MAML2: variants seen among roughly 807,000 people sequenced by gnomAD.
MAML2 encodes the protein mastermind like transcriptional coactivator 2.
A neutral mutation model predicts 96.1 loss-of-function variants in MAML2; 22 were observed. The ratio of observed to expected loss-of-function variants is 0.23; its 90% CI spans 0.16 to 0.33. MAML2 has a LOEUF of 0.33. Among genes scored for constraint, MAML2 ranks in the 10% least tolerant of loss-of-function variants. MAML2 has a pLI of 1.00. For synonymous variants in MAML2, 561 were observed against 521.3 expected, an observed-to-expected ratio of 1.08 and a Z score of -1.04; for missense variants, 1,367 against 1,392.4, an observed-to-expected ratio of 0.98 and a Z score of 0.29.
chr11:96,118,242 A>G (rs1860276954), intron 1 of MAML2, among the ~76,000 whole-genome samples: 1 of 152,184 alleles, frequency 6.6e-6, no homozygotes, highest in Non-Finnish European at 1.5e-5. Flanking sequence ...CCCAACTGCA[A>G]TGTCCAGCTA....
chr11:96,269,533 G>A (rs895714260), intron 1 of MAML2, among the ~76,000 whole-genome samples: 2 of 143,544 alleles, frequency 1.4e-5, no homozygotes, highest in Non-Finnish European at 3.0e-5. Context: ...ATTTTGGGGG[G>A]AAATGTCTTG....
rs375418213 is a variant in MAML2 at position 96,341,706 on chromosome 11, C to T, written c.190G>A (p.Glu64Lys). 32 of 1,610,754 alleles carry T rather than the reference C, an allele frequency of 2.0e-5. No individual in the cohort carries two copies. Among genetic ancestry groups the T allele is most frequent in the Middle Eastern group, 1.6e-4 (1 of 6,078 alleles). The change falls in exon 1 of 5, where the codon GAG (glutamate) becomes AAG (lysine). Residue 64 changes from glutamate (E) to lysine (K), a missense_variant. Glu to Lys is a moderately conservative substitution (Grantham distance 56). Coordinates refer to ENST00000524717, the MANE Select transcript of MAML2 (RefSeq NM_032427.4). Reference protein sequence around the residue: ...CEGRYERGRAESSDRERESTL... With the variant: ...CEGRYERGRAKSSDRERESTL... Reference sequence around the variant, plus strand: ...CTTTCTCTTTCCCGGTCTGAGCTCTCGGCCCTACCTCGTTCATATCGTCCT... The same window carrying T: ...CTTTCTCTTTCCCGGTCTGAGCTCTTGGCCCTACCTCGTTCATATCGTCCT...
intron 1 of MAML2, among the ~76,000 whole-genome samples, chr11:96,199,523 A>ATT (rs71459792): frequency 3.5e-4 from 51 of 143,816 alleles, no homozygotes; most frequent in African/African-American, 1.0e-3. Flanking sequence ...GTTTCAGATA[A>ATT]TTTTTTTTTT....
intron 2 of MAML2, among the ~76,000 whole-genome samples, chr11:96,033,687 T>C (rs934021099): frequency 6.6e-6 from 1 of 152,184 alleles, no homozygotes; most frequent in Non-Finnish European, 1.5e-5. Flanking sequence ...AGAGAGCACA[T>C]GGAAGAGGAG....
chr11:96,286,214 T>G (rs936498279), intron 1 of MAML2, among the ~76,000 whole-genome samples: 5 of 152,164 alleles, frequency 3.3e-5, no homozygotes, highest in Non-Finnish European at 7.3e-5. Flanking sequence ...CTCAGCAAAC[T>G]AACGCAGGAA....
chr11:96,075,471 A>T (rs182418350), intron 2 of MAML2, among the ~76,000 whole-genome samples: 2 of 152,170 alleles, frequency 1.3e-5, no homozygotes, highest in African/African-American at 2.4e-5. Context: ...CAGGGCAGGG[A>T]TTCTATCTTC....
intron 2 of MAML2, among the ~76,000 whole-genome samples, chr11:96,031,474 G>A (rs1319761380): frequency 1.3e-5 from 2 of 152,156 alleles, no homozygotes; most frequent in Non-Finnish European, 2.9e-5. Context: ...GGTATGCTAA[G>A]GAGTATTGCT....
At chr11:96,124,969 C>T (rs181517183) in intron 1 of MAML2, among the ~76,000 whole-genome samples, 170 of 152,278 alleles carry the variant, frequency 1.1e-3, no homozygotes, top group Non-Finnish European at 9.4e-4. Flanking sequence ...TGAGTGATGG[C>T]CGCATTAATT....
intron 1 of MAML2, among the ~76,000 whole-genome samples, chr11:96,104,195 C>A (rs1403110130): frequency 3.3e-5 from 5 of 152,142 alleles, no homozygotes; most frequent in Admixed American, 1.3e-4. Flanking sequence ...ATAAAATAAA[C>A]CCTAGAAAGG....
chr11:96,123,703 G>A (rs1364824831), intron 1 of MAML2, among the ~76,000 whole-genome samples: 1 of 152,178 alleles, frequency 6.6e-6, no homozygotes, highest in East Asian at 1.9e-4. Context: ...TTATAAATAA[G>A]AGACTTCTGT....
rs1857658686 is a variant in MAML2 at position 95,976,831 on chromosome 11, G to A, written c.*2117C>T. ...AACATGGAGGAGCCATACAACAAAA[G>A]CGTTTATATGTACATCATTTTTTTT... On this transcript the variant is annotated 3_prime_UTR_variant, in exon 5 of 5. Coordinates refer to ENST00000524717, the MANE Select transcript of MAML2 (RefSeq NM_032427.4). 2 of 186,032 alleles carry A rather than the reference G, an allele frequency of 1.1e-5. No homozygotes were observed. The highest frequency in any genetic ancestry group is 2.3e-5 in the African/African-American group (1 of 42,686). The allele number at this position is 186,032 out of a possible 1,614,324, so 11.5% of individuals were successfully genotyped here. A position where few individuals can be genotyped will look rare whatever the true frequency, so the allele number is the denominator to read the frequency against.
At chr11:96,010,961 T>G (rs1204737759) in intron 2 of MAML2, among the ~76,000 whole-genome samples, 2 of 152,248 alleles carry the variant, frequency 1.3e-5, no homozygotes, top group Non-Finnish European at 2.9e-5. Flanking sequence ...ACTGTTTTTT[T>G]CCTCCTTTAA....
At chr11:96,241,174 T>G (rs1000235073) in intron 1 of MAML2, among the ~76,000 whole-genome samples, 1 of 152,222 alleles carries the variant, frequency 6.6e-6, no homozygotes, top group Non-Finnish European at 1.5e-5. Flanking sequence ...TTACAGTATT[T>G]TCACTAGTTC....
intron 1 of MAML2, among the ~76,000 whole-genome samples, chr11:96,121,377 T>G (rs1021230113): frequency 2.6e-5 from 4 of 152,152 alleles, no homozygotes; most frequent in Non-Finnish European, 5.9e-5. Flanking sequence ...GGGAAGCCAT[T>G]AACACAAGGA....
intron 2 of MAML2, among the ~76,000 whole-genome samples, chr11:96,020,933 T>A (rs1300449356): frequency 6.6e-6 from 1 of 152,190 alleles, no homozygotes; most frequent in African/African-American, 2.4e-5. Context: ...TGAAGTTTAG[T>A]CTCAAAAGAG....
chr11:96,108,741 A>G (rs1860068736), intron 1 of MAML2, among the ~76,000 whole-genome samples: 1 of 152,184 alleles, frequency 6.6e-6, no homozygotes, highest in African/African-American at 2.4e-5. Flanking sequence ...AGACTATAAA[A>G]GTGTAAGCAG....
rs183991570 is a variant in MAML2, at chr11:95,991,862, G to A, written c.2140-139C>T. 7.7e-5 allele frequency: 52 copies of A among 677,850 alleles called. No homozygotes were observed. The Middle Eastern group carries it at 1.4e-3, about 18-fold the overall frequency. The allele number at this position is 677,850 out of a possible 1,614,324, so 42.0% of individuals were successfully genotyped here. On this transcript the variant is annotated intron_variant, in intron 2 of 4. Transcript: ENST00000524717. ...ATGGTTAAATGGGTTGGAGATCAGA[G>A]AATCGCTTTTTAAATGTAGAAGAAA... is the stretch of plus-strand genomic sequence containing the variant.
At chr11:96,162,781 A>G (rs1276014985) in intron 1 of MAML2, among the ~76,000 whole-genome samples, 1 of 151,634 alleles carries the variant, frequency 6.6e-6, no homozygotes, top group Non-Finnish European at 1.5e-5. Flanking sequence ...CTTACAGTTG[A>G]GCTTAACTAC....
At position 96,093,089 on chromosome 11, in the gene MAML2, G is replaced by T. The variant is rs1367698713; in HGVS notation, c.942C>A (p.Thr314=). The change falls in exon 2 of 5, where the codon ACC becomes ACA. Residue 314 remains threonine, a synonymous_variant. Coordinates refer to ENST00000524717, the MANE Select transcript of MAML2 (RefSeq NM_032427.4). The part of the protein sequence containing the change: ...PELQELFNEL[T]NISVPPMSDL... ...CACTCATGGGAGGCACAGATATGTT[G>T]GTCAGTTCATTGAACAGTTCCTGCA... is the stretch of plus-strand genomic sequence containing the variant. The T allele has an allele frequency of 6.2e-7, 1 of 1,613,966 alleles. No individual in the cohort carries two copies. The highest frequency in any genetic ancestry group is 8.5e-7 in the Non-Finnish European group (1 of 1,179,892).
Sources: gnomAD v4.1 joint callset for allele counts (sites outside exome capture counted in the v4.1 genomes callset) on GRCh38, gnomAD v4.1.1 for gene constraint, MANE v1.5 for transcripts, NCBI Gene and HGNC (gene_info 2026-07-23, HGNC 2026-07-21) for gene names.